Variants in MICU2 observed in about 807,000 individuals in gnomAD.
MICU2 encodes calcium uptake protein 2, mitochondrial.
MICU2 carries 64 observed loss-of-function variants against 60.4 expected under a neutral mutation model. The ratio of observed to expected loss-of-function variants is 1.06; its 90% confidence interval spans 0.87 to 1.31. The LOEUF (loss-of-function observed/expected upper bound fraction) is 1.31. Ranked by LOEUF, MICU2 falls within the 50% of genes most tolerant of loss-of-function variation. The probability of loss-of-function intolerance (pLI) is 0.00; values close to 1 mark genes in which losing one functional copy is unlikely to be tolerated. For synonymous variants in MICU2, 201 were observed against 175.0 expected (o/e 1.15, Z -1.17); for missense variants, 569 against 531.0 (o/e 1.07, Z -0.70).
chr13:21,534,372 A>AT (rs35770433), intron 4 of MICU2, among the ~76,000 whole-genome samples: 3 of 151,990 alleles, frequency 2.0e-5, no homozygotes, highest in South Asian at 2.1e-4. Flanking sequence ...TGTGCAGCTA[A>AT]TTTTTTTATT....
intron 6 of MICU2, chr13:21,515,513 T>C (rs928700904): frequency 1.2e-4 from 52 of 430,680 alleles, no homozygotes; most frequent in Non-Finnish European, 2.1e-4. Context: ...ACTTTGAAAT[T>C]GAGTACATTA....
At chr13:21,530,967 A>C (rs1886981432) in intron 4 of MICU2, 6 of 776,570 alleles carry the variant, frequency 7.7e-6, no homozygotes, top group South Asian at 6.9e-5. Context: ...ACAGTGACAA[A>C]TATACACTCT....
intron 6 of MICU2, among the ~76,000 whole-genome samples, chr13:21,518,946 G>A (rs984569655): frequency 1.3e-5 from 2 of 152,148 alleles, no homozygotes; most frequent in Admixed American, 6.5e-5. Flanking sequence ...CTGTGGTGTC[G>A]GTCCCCACGA....
chr13:21,534,067 G>A (rs934387388), intron 4 of MICU2, among the ~76,000 whole-genome samples: 48 of 149,952 alleles, frequency 3.2e-4, no homozygotes, highest in African/African-American at 1.1e-3. Flanking sequence ...TAGTCTGGGC[G>A]TGAGACTGTC....
Position 21,603,944 on chromosome 13 carries a change from C to G in MICU2, c.205G>C (p.Ala69Pro). 3.1e-6 allele frequency: 5 copies of G among 1,612,442 alleles called. No homozygotes were observed. The highest frequency in any genetic ancestry group is 2.5e-6 in the Non-Finnish European group (3 of 1,179,568). ...AGAAGGAGTTAGTCCTGTACCTGTGCGGAGACTGTAAAACTGCCATCCCGC... is the reference window on the plus strand; with the variant it reads ...AGAAGGAGTTAGTCCTGTACCTGTGGGGAGACTGTAAAACTGCCATCCCGC... ...AARDGSFTVS[A>P]QKNVEHGIIY... Residue 69 changes from alanine (A) to proline (P), a missense_variant, in exon 1 of 12, where the codon GCA becomes CCA. Coordinates refer to ENST00000382374, the MANE Select transcript of MICU2 (RefSeq NM_152726.3).
chr13:21,535,096 T>C (rs1887100929), intron 4 of MICU2, among the ~76,000 whole-genome samples: 1 of 152,214 alleles, frequency 6.6e-6, no homozygotes, highest in Non-Finnish European at 1.5e-5. Flanking sequence ...TTTTTGAAGA[T>C]TAATCTCTTA....
At chr13:21,563,687 T>A (rs1425629113) in intron 2 of MICU2, among the ~76,000 whole-genome samples, 3 of 152,208 alleles carry the variant, frequency 2.0e-5, no homozygotes, top group African/African-American at 7.2e-5. Flanking sequence ...TTTTTGAATA[T>A]TCTGTTTTTC....
chr13:21,602,722 C>A (rs550464105), intron 1 of MICU2: 1 of 152,108 alleles, frequency 6.6e-6, no homozygotes, highest in African/African-American at 2.4e-5. Context: ...ATATCAGTTG[C>A]CAATACTTAA....
chr13:21,520,274 G>A (rs1297224958), intron 6 of MICU2, among the ~76,000 whole-genome samples: 1 of 152,138 alleles, frequency 6.6e-6, no homozygotes, highest in Non-Finnish European at 1.5e-5. Flanking sequence ...TTAATATACA[G>A]GTCTTGGGTG....
At chr13:21,594,385 T>C (rs1888648348) in intron 1 of MICU2, among the ~76,000 whole-genome samples, 1 of 152,146 alleles carries the variant, frequency 6.6e-6, no homozygotes, top group African/African-American at 2.4e-5. Flanking sequence ...AAACAATAGA[T>C]ACTGGCAAGG....
intron 1 of MICU2, among the ~76,000 whole-genome samples, chr13:21,592,155 G>C (rs944472253): frequency 5.9e-5 from 9 of 151,716 alleles, no homozygotes; most frequent in Non-Finnish European, 1.3e-4. Context: ...GAATCAAATA[G>C]ACACAATGAA....
chr13:21,505,209 G>A (rs1386885163), intron 8 of MICU2, among the ~76,000 whole-genome samples: 2 of 152,112 alleles, frequency 1.3e-5, no homozygotes, highest in Non-Finnish European at 2.9e-5. Flanking sequence ...ATTATTTCTG[G>A]TCACTATCTT....
At chr13:21,546,258 G>A (rs1038907454) in intron 2 of MICU2, among the ~76,000 whole-genome samples, 6 of 148,182 alleles carry the variant, frequency 4.0e-5, no homozygotes, top group Non-Finnish European at 8.9e-5. Context: ...CCAAAGTATG[G>A]TCTTCAAATA....
chr13:21,503,219 GGATGAAGCATTAGTGCTGT>G, intron 8 of MICU2, 122 bp from the exon 9 acceptor site: 1 of 676,852 alleles, frequency 1.5e-6, no homozygotes. Context: ...ATGGTAAGCA[GGATGAAGCATTAGTGCTGT>G]GCAAGGATTG....
chr13:21,522,294 T>G (rs1405944373), intron 5 of MICU2, among the ~76,000 whole-genome samples: 1 of 152,208 alleles, frequency 6.6e-6, no homozygotes, highest in Non-Finnish European at 1.5e-5. Flanking sequence ...CCTTCACACT[T>G]TGAAGAGTAC....
intron 2 of MICU2, among the ~76,000 whole-genome samples, chr13:21,555,457 A>G (rs1005523078): frequency 1.3e-5 from 2 of 152,352 alleles, no homozygotes; most frequent in African/African-American, 2.4e-5. Flanking sequence ...AAGGCCTTTG[A>G]CAAAATTCAA....
chr13:21,560,329 T>C (rs914257736), intron 2 of MICU2, among the ~76,000 whole-genome samples: 1 of 66,408 alleles, frequency 1.5e-5, no homozygotes, highest in African/African-American at 4.1e-5. Flanking sequence ...ACTAGTACCA[T>C]TATCCAACTG....
At chr13:21,572,351 G>T (rs1888130509) in intron 1 of MICU2, among the ~76,000 whole-genome samples, 1 of 152,194 alleles carries the variant, frequency 6.6e-6, no homozygotes, top group Non-Finnish European at 1.5e-5. Context: ...TAAAATGAGG[G>T]AGGGCATGTA....
At chr13:21,599,905 G>A (rs1448808523) in intron 1 of MICU2, among the ~76,000 whole-genome samples, 2 of 152,170 alleles carry the variant, frequency 1.3e-5, no homozygotes, top group East Asian at 1.9e-4. Flanking sequence ...AATATAGTAC[G>A]AAAATATCTG....
Sources: gnomAD v4.1 joint callset for allele counts (sites outside exome capture counted in the v4.1 genomes callset) on GRCh38, gnomAD v4.1.1 for gene constraint, MANE v1.5 for transcripts, NCBI Gene and HGNC (gene_info 2026-07-23, HGNC 2026-07-21) for gene names.